Variants in ITGAE observed in about 807,000 individuals in gnomAD.
ITGAE encodes integrin alpha-E.
A neutral mutation model predicts 136.5 loss-of-function variants in ITGAE; 99 were observed. The ratio of observed to expected loss-of-function variants is 0.73; its 90% CI spans 0.62 to 0.86. The LOEUF (loss-of-function observed/expected upper bound fraction) is 0.86. Ranked by LOEUF, ITGAE falls within the 40% of genes least tolerant of loss-of-function variation. ITGAE has a pLI of 0.00. For missense variants in ITGAE, 1,447 were observed against 1,515.3 expected (o/e 0.95, Z 0.75); for synonymous variants, 613 against 591.8 (o/e 1.04, Z -0.52).
chr17:3,798,247 C>T lies in ITGAE; in HGVS notation c.34+2864G>A, dbSNP rs776293751. On this transcript the variant is annotated intron_variant, in intron 1 of 30. Transcript: ENST00000263087. This position sits in a 1 kb window ranked among gnomAD's most constrained non-coding sequence, Gnocchi z 4.3. ...CCGTGCTGTGACACCCTGCCGGGGC[C>T]GGGGAGGCTACTGTGTGCACAACCT... Among the ~76,000 whole-genome samples the T allele has an allele frequency of 6.6e-4, 101 of 152,302 alleles. 1 individual carries two copies. The highest frequency in any genetic ancestry group is 2.6e-4 in the Admixed American group (4 of 15,306).
At chr17:3,793,938 C>G (rs1424268771) in intron 1 of ITGAE, among the ~76,000 whole-genome samples, 2 of 149,804 alleles carry the variant, frequency 1.3e-5, no homozygotes, top group South Asian at 4.2e-4. Flanking sequence ...TTGAAGTGCT[C>G]TGTCCTCAGC....
intron 17 of ITGAE, among the ~76,000 whole-genome samples, chr17:3,746,893 G>T (rs1335373182): frequency 6.6e-6 from 1 of 152,300 alleles, no homozygotes; most frequent in African/African-American, 2.4e-5. Context: ...ACCCGGCCAG[G>T]TCTGTCATTT....
Position 3,774,625 on chromosome 17 carries a change from C to G in ITGAE, c.155+2915G>C, listed in dbSNP as rs547270444. ...CTAAAAATACAAAAAATTAGCTGGG[C>G]GTGGTGGCGGGCGCCTGTAATCCCA... On this transcript the variant is annotated intron_variant, in intron 2 of 30. Coordinates refer to ENST00000263087, the MANE Select transcript of ITGAE (RefSeq NM_002208.5). Among the ~76,000 whole-genome samples the G allele has an allele frequency of 3.1e-4, 47 of 152,034 alleles. No individual in the cohort carries two copies. In the East Asian group the frequency reaches 8.4e-3, roughly 27 times the overall value.
At chr17:3,782,956 G>A (rs2143374118) in intron 1 of ITGAE, among the ~76,000 whole-genome samples, 2 of 152,230 alleles carry the variant, frequency 1.3e-5, no homozygotes, top group South Asian at 4.1e-4. Context: ...TGCGTTGCAT[G>A]TCATGTTTGG....
At position 3,785,498 on chromosome 17, in the gene ITGAE, GGAAGGAAGGAAGGAAGGAAGGA is replaced by G. The variant is rs1567557141; in HGVS notation, c.35-7860_35-7839del. On this transcript the variant is annotated intron_variant, in intron 1 of 30. Transcript: ENST00000263087. Reference sequence around the variant, plus strand: ...AAGAAAGGAAGGAAGGAAGGAAGGAGGAAGGAAGGAAGGAAGGAAGGAAGGAAGGAAGGAAGGAAGGAAGGAA... The same window carrying G: ...AAGAAAGGAAGGAAGGAAGGAAGGAGAGGAAGGAAGGAAGGAAGGAAGGAA... 5.7e-3 allele frequency among the ~76,000 whole-genome samples: 263 copies of G among 45,744 alleles called. 4 individuals carry two copies. The African/African-American group carries it at 0.06, about 10-fold the overall frequency. The allele number at this position is 45,744 out of a possible 152,430, so 30.0% of individuals were successfully genotyped here.
chr17:3,788,453 C>A, intron 1 of ITGAE, among the ~76,000 whole-genome samples: 1 of 127,022 alleles, frequency 7.9e-6, no homozygotes, highest in Admixed American at 8.7e-5. Context: ...CCAGACCTGA[C>A]TAATTTTTTT....
intron 18 of ITGAE, among the ~76,000 whole-genome samples, 165 bp downstream of exon 18, chr17:3,745,599 C>A (rs1007144590): frequency 6.6e-6 from 1 of 152,208 alleles, no homozygotes; most frequent in Non-Finnish European, 1.5e-5. Flanking sequence ...GCCTTGGCCT[C>A]CCAAAGTGCT....
At chr17:3,728,653 G>T in intron 24 of ITGAE, among the ~76,000 whole-genome samples, 1 of 150,040 alleles carries the variant, frequency 6.7e-6, no homozygotes, top group Non-Finnish European at 1.5e-5. Context: ...GATGACAGGC[G>T]TGAGCCACCG....
intron 23 of ITGAE, among the ~76,000 whole-genome samples, chr17:3,730,152 C>T (rs1006728195): frequency 6.6e-6 from 1 of 151,906 alleles, no homozygotes; most frequent in Non-Finnish European, 1.5e-5. Flanking sequence ...CACTGGGAGT[C>T]AGATAAGAAA....
chr17:3,745,544 G>C (rs2051691101), intron 18 of ITGAE, among the ~76,000 whole-genome samples: 2 of 152,154 alleles, frequency 1.3e-5, no homozygotes, highest in Admixed American at 6.5e-5. Context: ...GTTTCACCGT[G>C]TTGGCCCGGC....
At chr17:3,732,262 T>A (rs1260988116) in intron 22 of ITGAE, 106 bp downstream of exon 22, 3 of 868,878 alleles carry the variant, frequency 3.5e-6, no homozygotes, top group Non-Finnish European at 5.8e-6. Flanking sequence ...CACACTGCAG[T>A]CAAGCGAAGC....
chr17:3,725,298 A>C, intron 26 of ITGAE: 3 of 1,614,210 alleles, frequency 1.9e-6, no homozygotes, highest in Non-Finnish European at 2.5e-6. Flanking sequence ...TATTTCAAAC[A>C]AAAAGGCATC....
Position 3,759,267 on chromosome 17 carries a change from C to T in ITGAE, c.866+135G>A, listed in dbSNP as rs553745138. The T allele has an allele frequency of 2.3e-4, 228 of 992,296 alleles. No homozygotes were observed. In the African/African-American group the frequency reaches 2.6e-3, roughly 11 times the overall value. The allele number at this position is 992,296 out of a possible 1,614,324, so 61.5% of individuals were successfully genotyped here. A position where few individuals can be genotyped will look rare whatever the true frequency, so the allele number is the denominator to read the frequency against. On this transcript the variant is annotated intron_variant, in intron 8 of 30. Transcript: ENST00000263087. ...GACAGCCTTGAGGTGTCATCCCTCACGTTCTCTCTCGGCCAGGGAAAGGCT... is the reference window on the plus strand; with the variant it reads ...GACAGCCTTGAGGTGTCATCCCTCATGTTCTCTCTCGGCCAGGGAAAGGCT...
chr17:3,741,868 G>A (rs906556929), intron 19 of ITGAE, among the ~76,000 whole-genome samples: 7 of 152,176 alleles, frequency 4.6e-5, no homozygotes, highest in African/African-American at 1.7e-4. Context: ...CCTGAGGTCA[G>A]GTGTTCAAGA....
At chr17:3,776,090 C>T (rs1261111488) in intron 2 of ITGAE, among the ~76,000 whole-genome samples, 4 of 117,596 alleles carry the variant, frequency 3.4e-5, no homozygotes, top group Non-Finnish European at 6.5e-5. Flanking sequence ...CGGAGTCTTG[C>T]TCTGTCGCCC....
chr17:3,743,099 T>C (rs2051624483), intron 19 of ITGAE, among the ~76,000 whole-genome samples: 1 of 152,242 alleles, frequency 6.6e-6, no homozygotes, highest in Non-Finnish European at 1.5e-5. Flanking sequence ...GGGCATCCTC[T>C]CTGCAGTGCA....
At chr17:3,718,896 C>T (rs2050991562) in intron 29 of ITGAE, among the ~76,000 whole-genome samples, 1 of 152,004 alleles carries the variant, frequency 6.6e-6, no homozygotes, top group African/African-American at 2.4e-5. Context: ...CTATTTCTTC[C>T]GTTTTCTGTA....
intron 1 of ITGAE, among the ~76,000 whole-genome samples, chr17:3,785,871 T>C (rs922480190): frequency 8.6e-5 from 13 of 151,176 alleles, no homozygotes; most frequent in African/African-American, 2.9e-4. Context: ...TCCTAAGACA[T>C]TTAAAAAATA....
intron 1 of ITGAE, among the ~76,000 whole-genome samples, chr17:3,780,197 G>A (rs2052634688): frequency 7.0e-6 from 1 of 143,578 alleles, no homozygotes; most frequent in Non-Finnish European, 1.5e-5. Context: ...TGGAAATGGA[G>A]TCACACTCTG....
Sources: gnomAD v4.1 joint callset for allele counts (sites outside exome capture counted in the v4.1 genomes callset) on GRCh38, gnomAD v4.1.1 for gene constraint, Gnocchi (gnomAD v3.1) non-coding constraint, MANE v1.5 for transcripts, NCBI Gene and HGNC (gene_info 2026-07-23, HGNC 2026-07-21) for gene names.